REEP1: variants seen among roughly 807,000 people sequenced by gnomAD.
The protein encoded by REEP1 is receptor accessory protein 1, also known as receptor expression-enhancing protein 1.
In REEP1, 22 loss-of-function variants were observed where a neutral mutation model predicts 40.3. That is an observed-to-expected ratio of 0.55 (90% CI 0.39 to 0.78). The LOEUF (loss-of-function observed/expected upper bound fraction) is 0.78, where lower values mean the gene tolerates loss of function less well. Among genes scored for constraint, REEP1 ranks in the 30% least tolerant of loss-of-function variants. The pLI is 0.00. For missense variants in REEP1, 280 were observed against 361.1 expected, an observed-to-expected ratio of 0.78 and a Z score of 1.82; for synonymous variants, 116 against 139.2, an observed-to-expected ratio of 0.83 and a Z score of 1.17.
chr2:86,295,780 C>T (rs2104442549), intron 1 of REEP1, among the ~76,000 whole-genome samples: 1 of 152,304 alleles, frequency 6.6e-6, no homozygotes, highest in South Asian at 2.1e-4. Flanking sequence ...ACCTCGTGAT[C>T]CGCCCGCCTT....
intron 1 of REEP1, among the ~76,000 whole-genome samples, chr2:86,303,787 G>A (rs1679363055): frequency 6.6e-6 from 1 of 152,190 alleles, no homozygotes; most frequent in African/African-American, 2.4e-5. Context: ...TTCAGGAGGG[G>A]AGAACAGCAT....
At chr2:86,287,054 A>T (rs534144505) in intron 1 of REEP1, among the ~76,000 whole-genome samples, 36 of 152,234 alleles carry the variant, frequency 2.4e-4, no homozygotes, top group Non-Finnish European at 4.1e-4. Flanking sequence ...CACTTGCTTT[A>T]TAATGACAAA....
chr2:86,234,789 T>C (rs1675219285), intron 5 of REEP1, among the ~76,000 whole-genome samples: 1 of 152,236 alleles, frequency 6.6e-6, no homozygotes, highest in Admixed American at 6.5e-5. Flanking sequence ...CTCACGTCCT[T>C]GGCAGGAACA....
In REEP1 at chr2:86,328,186, G is replaced by A. The variant is rs187353955; in HGVS notation, c.32+9293C>T. On this transcript the variant is annotated intron_variant, in intron 1 of 8. Transcript: ENST00000538924. Reference sequence around the variant, plus strand: ...TGAGAAAAAGTCCTTGCATGTTCTTGGAAATCCAACGTGAATCTCCAGCAT... The same window carrying A: ...TGAGAAAAAGTCCTTGCATGTTCTTAGAAATCCAACGTGAATCTCCAGCAT... Among the ~76,000 whole-genome samples the A allele has an allele frequency of 6.6e-5, 10 of 152,310 alleles. No individual in the cohort carries two copies. The East Asian group carries it at 1.7e-3, about 26-fold the overall frequency.
intron 5 of REEP1, among the ~76,000 whole-genome samples, chr2:86,249,475 G>C (rs1676152526): frequency 6.6e-6 from 1 of 152,130 alleles, no homozygotes; most frequent in African/African-American, 2.4e-5. Context: ...CTCATCACCT[G>C]TGCCCCCTAT....
At chr2:86,257,885 C>T (rs1676655600) in intron 3 of REEP1, among the ~76,000 whole-genome samples, 1 of 152,098 alleles carries the variant, frequency 6.6e-6, no homozygotes, top group African/African-American at 2.4e-5. Flanking sequence ...GTGATCCGCC[C>T]GCCTGGGATT....
chr2:86,227,609 G>A (rs564140949), intron 6 of REEP1, among the ~76,000 whole-genome samples: 1 of 152,300 alleles, frequency 6.6e-6, no homozygotes, highest in South Asian at 2.1e-4. Flanking sequence ...ACCCTCACCT[G>A]GCACACAAAG....
At chr2:86,300,303 T>C (rs1199618704) in intron 1 of REEP1, among the ~76,000 whole-genome samples, 11 of 152,154 alleles carry the variant, frequency 7.2e-5, no homozygotes, top group Admixed American at 7.2e-4. Context: ...TCCTCTGCGC[T>C]GAGAACTGTG....
chr2:86,267,149 G>A (rs1376383684), intron 2 of REEP1, among the ~76,000 whole-genome samples: 1 of 152,078 alleles, frequency 6.6e-6, no homozygotes, highest in Non-Finnish European at 1.5e-5. Context: ...ATGTGTGGTT[G>A]TGTCCCCACT....
intron 2 of REEP1, among the ~76,000 whole-genome samples, chr2:86,265,711 C>T (rs1177314426): frequency 6.6e-6 from 1 of 152,114 alleles, no homozygotes; most frequent in Non-Finnish European, 1.5e-5. Flanking sequence ...TGCATGTTCT[C>T]ACTTATAAAT....
intron 5 of REEP1, chr2:86,240,039 C>T (rs1558880972): frequency 2.6e-5 from 4 of 152,410 alleles, no homozygotes; most frequent in Admixed American, 2.6e-4. Flanking sequence ...CTCTCAGGTC[C>T]AAAGAGAAGA....
At chr2:86,232,485 T>C (rs1558874823) in intron 6 of REEP1, 140 bp downstream of exon 6, 1 of 1,057,918 alleles carries the variant, frequency 9.5e-7, no homozygotes, top group East Asian at 2.6e-5. Context: ...TTGGCTGACC[T>C]GGCATGATCT....
At chr2:86,334,816 G>A (rs1680937702) in intron 1 of REEP1, among the ~76,000 whole-genome samples, 1 of 152,126 alleles carries the variant, frequency 6.6e-6, no homozygotes, top group African/African-American at 2.4e-5. Context: ...GGTTCCCGGG[G>A]AGGACAGAAG....
At chr2:86,335,717 C>A (rs144926926) in intron 1 of REEP1, among the ~76,000 whole-genome samples, 4,432 of 152,018 alleles carry the variant, frequency 0.029, 205 homozygotes, top group African/African-American at 0.095. Flanking sequence ...GGCGTGGTGG[C>A]AGGCGCTTGT....
chr2:86,335,296 T>C (rs1680958497), intron 1 of REEP1, among the ~76,000 whole-genome samples: 1 of 152,226 alleles, frequency 6.6e-6, no homozygotes. Flanking sequence ...TCATAACTCA[T>C]AATCAATATG....
At chr2:86,337,996 T>C (rs938916484), upstream of REEP1, 9 of 1,531,082 alleles carry the variant, frequency 5.9e-6, no homozygotes, top group Non-Finnish European at 7.9e-6. This position sits in a 1 kb window ranked among gnomAD's most constrained non-coding sequence, Gnocchi z 5.8. Context: ...CTCATTCAGC[T>C]AGTGCGTTAG....
intron 3 of REEP1, among the ~76,000 whole-genome samples, chr2:86,261,730 G>A (rs565108140): frequency 3.9e-4 from 59 of 152,350 alleles, no homozygotes; most frequent in African/African-American, 1.1e-3. Flanking sequence ...AAGGGTCTGT[G>A]CTGAGGAGGA....
intron 1 of REEP1, among the ~76,000 whole-genome samples, chr2:86,334,215 C>T (rs1279063386): frequency 1.3e-5 from 2 of 152,320 alleles, no homozygotes; most frequent in South Asian, 4.1e-4. Context: ...CGAGCACTGG[C>T]TGGCTGTCCC....
chr2:86,221,951 C>A (rs556960464), intron 7 of REEP1, among the ~76,000 whole-genome samples: 2 of 152,148 alleles, frequency 1.3e-5, no homozygotes, highest in African/African-American at 4.8e-5. Context: ...GCAGCCAACT[C>A]CATGACATGG....
Sources: allele counts gnomAD v4.1 joint callset (sites outside exome capture counted in the v4.1 genomes callset), GRCh38; gene constraint gnomAD v4.1.1; non-coding constraint Gnocchi (gnomAD v3.1); transcripts MANE v1.5; gene names NCBI Gene and HGNC (gene_info 2026-07-23, HGNC 2026-07-21).